The following KIF26A variants were observed in gnomAD, a reference collection of about 807,000 sequenced individuals.
KIF26A encodes the protein kinesin-like protein KIF26A.
A neutral mutation model predicts 126.0 loss-of-function variants in KIF26A; 74 were observed. The ratio of observed to expected loss-of-function variants is 0.59; its 90% CI spans 0.49 to 0.71. The LOEUF (loss-of-function observed/expected upper bound fraction) is 0.71, where lower values mean the gene tolerates loss of function less well. Ranked by LOEUF, KIF26A falls within the 30% of genes least tolerant of loss-of-function variation. KIF26A has a pLI of 0.00. For synonymous variants in KIF26A, 1,445 were observed against 1,232.7 expected, an observed-to-expected ratio of 1.17 and a Z score of -3.61; for missense variants, 2,984 against 2,763.3, an observed-to-expected ratio of 1.08 and a Z score of -1.79.
intron 4 of KIF26A, among the ~76,000 whole-genome samples, chr14:104,165,165 CTA>C (rs200212320): frequency 0.013 from 1,896 of 150,414 alleles, 18 homozygotes; most frequent in Middle Eastern, 0.022. Flanking sequence ...GTGTGTATCT[CTA>C]TGCATGTGTC....
At chr14:104,165,060 T>C (rs1266653143) in intron 4 of KIF26A, among the ~76,000 whole-genome samples, 1 of 151,956 alleles carries the variant, frequency 6.6e-6, no homozygotes. Flanking sequence ...TCTGTGTGTC[T>C]CTGTGTTTCT....
intron 4 of KIF26A, among the ~76,000 whole-genome samples, chr14:104,160,520 C>T (rs1431096828): frequency 6.6e-6 from 1 of 152,186 alleles, no homozygotes; most frequent in African/African-American, 2.4e-5. Context: ...TGGGTGGGGC[C>T]TGGGGAAGCT....
intron 4 of KIF26A, among the ~76,000 whole-genome samples, chr14:104,160,931 T>C (rs2037827336): frequency 6.6e-6 from 1 of 152,214 alleles, no homozygotes; most frequent in South Asian, 2.1e-4. Context: ...CCCACCCCAC[T>C]GTGGCCTCAG....
intron 4 of KIF26A, among the ~76,000 whole-genome samples, chr14:104,160,614 G>A (rs2037824270): frequency 6.6e-6 from 1 of 152,182 alleles, no homozygotes; most frequent in Non-Finnish European, 1.5e-5. Context: ...CGTGGGCCGG[G>A]TGGCCCCGGG....
intron 7 of KIF26A, 62 bp downstream of exon 7, chr14:104,172,730 G>T (rs1042409905): frequency 3.1e-6 from 4 of 1,306,954 alleles, no homozygotes; most frequent in Non-Finnish European, 4.3e-6. Flanking sequence ...TCCTCATCAC[G>T]GTGGTTGCTG....
Position 104,148,625 on chromosome 14 carries a change from TTTG to T in KIF26A, c.289-3380_289-3378del, listed in dbSNP as rs1024143279. On this transcript the variant is annotated intron_variant, in intron 2 of 14. Transcript: ENST00000423312. This position sits in a 1 kb window ranked among gnomAD's most constrained non-coding sequence, Gnocchi z 4.3. Reference sequence around the variant, plus strand: ...TGCAGGAAGTGGCCACAGAGCAGGATTTGTTGTTGTTGGCGGTGGGGGCTGTGC... The same window carrying T: ...TGCAGGAAGTGGCCACAGAGCAGGATTTGTTGTTGGCGGTGGGGGCTGTGC... 3.5e-5 allele frequency among the ~76,000 whole-genome samples: 5 copies of T among 141,672 alleles called. No individual in the cohort carries two copies. Among genetic ancestry groups the T allele is most frequent in the East Asian group, 2.3e-4 (1 of 4,422 alleles). 92.9% of individuals were successfully genotyped at this position (141,672 alleles called of 152,430 possible). A position where few individuals can be genotyped will look rare whatever the true frequency, so the allele number is the denominator to read the frequency against.
chr14:104,170,407 C>T (rs995679513), intron 5 of KIF26A, among the ~76,000 whole-genome samples: 2 of 152,248 alleles, frequency 1.3e-5, no homozygotes, highest in African/African-American at 2.4e-5. Context: ...CCGACTCCAG[C>T]GGCTTGCATA....
At position 104,175,566 on chromosome 14, in the gene KIF26A, C is replaced by T. The variant is rs777699963; in HGVS notation, c.2778C>T (p.Asp926=). The change falls in exon 12 of 15, where the codon GAC becomes GAT. Residue 926 remains aspartate, a synonymous_variant. Transcript: ENST00000423312. ...KAIVWGDQRE[D]SSAWPELLVP... is the part of the protein sequence containing the mutation. ...TTGTCTGGGGTGACCAGAGAGAGGA[C>T]AGCAGCGCTTGGCCTGAGCTGCTGG... 3 of 1,606,436 alleles carry T rather than the reference C, an allele frequency of 1.9e-6. No homozygotes were observed. The highest frequency in any genetic ancestry group is 1.7e-6 in the Non-Finnish European group (2 of 1,179,370).
At chr14:104,166,051 C>G (rs1187647660) in intron 4 of KIF26A, among the ~76,000 whole-genome samples, 1 of 151,848 alleles carries the variant, frequency 6.6e-6, no homozygotes, top group Non-Finnish European at 1.5e-5. Context: ...CAGGAATCCC[C>G]CACCCCTGGC....
At chr14:104,139,788 C>G (rs1045700385) in intron 2 of KIF26A, among the ~76,000 whole-genome samples, 1 of 152,206 alleles carries the variant, frequency 6.6e-6, no homozygotes, top group Non-Finnish European at 1.5e-5. Context: ...TACTCCTCTC[C>G]CAGCCTCAAG....
chr14:104,157,629 G>T, intron 3 of KIF26A, 126 bp from the exon 4 acceptor site: 2 of 1,046,528 alleles, frequency 1.9e-6, no homozygotes, highest in Non-Finnish European at 2.6e-6. Flanking sequence ...GGCCCTGGGG[G>T]TGCAGAGCCC....
rs2038022938 is a variant in KIF26A at position 104,176,139 on chromosome 14, CAG to C, written c.3352_3353del (p.Ser1118ArgfsTer8). On this transcript the variant is annotated frameshift_variant, in exon 12 of 15. Coordinates refer to ENST00000423312, the MANE Select transcript of KIF26A (RefSeq NM_015656.2). LOFTEE classifies it high-confidence loss of function. ...SSISSWLSEV[S>X]VCTADSRDPT... is the part of the protein sequence containing the mutation. ...CCATCAGCTCCTGGCTCAGCGAGGTCAGCGTCTGCACTGCCGACAGCCGTGAC... is the reference window on the plus strand; with the variant it reads ...CCATCAGCTCCTGGCTCAGCGAGGTCCGTCTGCACTGCCGACAGCCGTGAC... 1 of 1,582,432 alleles carries C rather than the reference CAG, an allele frequency of 6.3e-7. No homozygotes were observed. Among genetic ancestry groups the C allele is most frequent in the Non-Finnish European group, 8.6e-7 (1 of 1,165,384 alleles).
intron 2 of KIF26A, among the ~76,000 whole-genome samples, chr14:104,142,388 C>T (rs562380672): frequency 1.3e-5 from 2 of 151,678 alleles, no homozygotes; most frequent in East Asian, 3.9e-4. Context: ...GCCTTGTCTC[C>T]GGGCTGACTA....
In KIF26A at chr14:104,178,536, G is replaced by A; in HGVS notation, c.5111-14G>A. On this transcript the variant is annotated splice_polypyrimidine_tract_variant and intron_variant, in intron 12 of 14. Coordinates refer to ENST00000423312, the MANE Select transcript of KIF26A (RefSeq NM_015656.2). Reference sequence around the variant, plus strand: ...CCCGCCTCTGTTCACCCTGTGCCCGGCTCTCCGTTCCAGGTCTGCAGCGGC... The same window carrying A: ...CCCGCCTCTGTTCACCCTGTGCCCGACTCTCCGTTCCAGGTCTGCAGCGGC... The A allele has an allele frequency of 2.8e-6, 4 of 1,444,424 alleles. No individual in the cohort carries two copies. Among genetic ancestry groups the A allele is most frequent in the Non-Finnish European group, 2.7e-6 (3 of 1,096,518 alleles). 89.5% of individuals were successfully genotyped at this position (1,444,424 alleles called of 1,614,324 possible).
chr14:104,173,535 C>A, intron 9 of KIF26A, 22 bp downstream of exon 9: 1 of 1,530,702 alleles, frequency 6.5e-7, no homozygotes. Flanking sequence ...ACCCGCACTC[C>A]CGGGCCCCTG....
At chr14:104,158,553 G>C (rs549235676) in intron 4 of KIF26A, among the ~76,000 whole-genome samples, 2 of 152,324 alleles carry the variant, frequency 1.3e-5, no homozygotes, top group East Asian at 3.9e-4. Context: ...CACATTGGGG[G>C]ACCATGTCTG....
rs555052786 is a variant in KIF26A, at chr14:104,179,888, G to C, written c.*98G>C. The C allele has an allele frequency of 5.9e-5, 75 of 1,264,228 alleles. No homozygotes were observed. The Admixed American group carries it at 1.3e-3, about 22-fold the overall frequency. The allele number at this position is 1,264,228 out of a possible 1,614,324, so 78.3% of individuals were successfully genotyped here. A position where few individuals can be genotyped will look rare whatever the true frequency, so the allele number is the denominator to read the frequency against. On this transcript the variant is annotated 3_prime_UTR_variant, in exon 15 of 15. Coordinates refer to ENST00000423312, the MANE Select transcript of KIF26A (RefSeq NM_015656.2). The stretch of plus-strand genomic sequence containing the variant: ...GGTGGGGGCTGCGGGGGGAGGATGC[G>C]GAGGGGTTTCTGTGCAGGACGGGAG...
chr14:104,152,261 C>A lies in KIF26A; in HGVS notation c.535C>A (p.Pro179Thr). 1 of 1,594,328 alleles carries A rather than the reference C, an allele frequency of 6.3e-7. No individual in the cohort carries two copies. The highest frequency in any genetic ancestry group is 1.7e-5 in the Admixed American group (1 of 57,550). The change falls in exon 3 of 15, where the codon CCT becomes ACT. Residue 179 changes from proline to threonine, a missense_variant. Physicochemically the swap from Pro to Thr is conservative, Grantham distance 38. Transcript: ENST00000423312. This position sits in a 1 kb window ranked among gnomAD's most constrained non-coding sequence, Gnocchi z 5.9. ...SSRDTPGPAGPAGRQPGRAGP... is the reference protein window; with the variant it reads ...SSRDTPGPAGTAGRQPGRAGP... ...GAGGGACACGCCAGGACCAGCGGGT[C>A]CTGCAGGGAGGCAGCCAGGACGAGC... is the stretch of plus-strand genomic sequence containing the variant.
chr14:104,147,437 G>T (rs1318022558), intron 2 of KIF26A, among the ~76,000 whole-genome samples: 1 of 152,174 alleles, frequency 6.6e-6, no homozygotes, highest in Non-Finnish European at 1.5e-5. Context: ...GAGGAAGGGG[G>T]TAGGAGGCCT....
Sources: allele counts gnomAD v4.1 joint callset (sites outside exome capture counted in the v4.1 genomes callset), GRCh38; gene constraint gnomAD v4.1.1; non-coding constraint Gnocchi (gnomAD v3.1); transcripts MANE v1.5; gene names NCBI Gene and HGNC (gene_info 2026-07-23, HGNC 2026-07-21).